The following WDR27 variants were observed in gnomAD, a reference collection of about 807,000 sequenced individuals.
WDR27 encodes the protein WD repeat domain 27.
Under a neutral mutation model 114.4 loss-of-function variants are expected in WDR27, and 100 were observed. The observed-to-expected ratio is 0.87, with a 90% CI of 0.74 to 1.03. WDR27 has a LOEUF of 1.03. Among genes scored for constraint, WDR27 ranks in the 50% least tolerant of loss-of-function variants. The pLI is 0.00. For synonymous variants in WDR27, 449 were observed against 423.1 expected (o/e 1.06, Z -0.75); for missense variants, 1,129 against 1,092.9 (o/e 1.03, Z -0.47).
intron 22 of WDR27, among the ~76,000 whole-genome samples, chr6:169,605,681 G>C (rs1197456285): frequency 6.7e-6 from 1 of 150,266 alleles, no homozygotes; most frequent in Non-Finnish European, 1.5e-5. Context: ...AACAAAGCTG[G>C]AGGCATCACC....
At chr6:169,492,267 T>C (rs1789868390) in intron 25 of WDR27, among the ~76,000 whole-genome samples, 1 of 151,470 alleles carries the variant, frequency 6.6e-6, no homozygotes, top group Admixed American at 6.6e-5. Flanking sequence ...CAAAACACAT[T>C]TGAAGAAGTA....
Position 169,613,580 on chromosome 6 carries a change from A to AG in WDR27, c.2299dup (p.Leu767ProfsTer10). 6.2e-7 allele frequency: 1 copy of AG among 1,613,866 alleles called. No homozygotes were observed. Among genetic ancestry groups the AG allele is most frequent in the Non-Finnish European group, 8.5e-7 (1 of 1,179,812 alleles). On this transcript the variant is annotated frameshift_variant, in exon 22 of 26. Coordinates refer to ENST00000448612, the MANE Select transcript of WDR27 (RefSeq NM_182552.5). LOFTEE classifies it high-confidence loss of function. ...TTACCTCAGGGTTCTCAGGTCCCAC[A>AG]GTCTCATCCCATCGCCAATGGCCGT...
intron 25 of WDR27, among the ~76,000 whole-genome samples, chr6:169,531,300 C>A (rs1795561089): frequency 1.3e-5 from 2 of 152,094 alleles, no homozygotes; most frequent in South Asian, 4.1e-4. Flanking sequence ...TACTGGAGTT[C>A]ATTCGTGTTG....
At chr6:169,666,522 T>C (rs1827865142) in intron 6 of WDR27, 2 of 985,488 alleles carry the variant, frequency 2.0e-6, no homozygotes, top group South Asian at 4.7e-5. Context: ...TGCCCTAAGA[T>C]GCCAGGAGGA....
intron 25 of WDR27, among the ~76,000 whole-genome samples, chr6:169,533,496 C>T (rs1052773904): frequency 1.3e-5 from 2 of 152,166 alleles, no homozygotes; most frequent in African/African-American, 4.8e-5. Flanking sequence ...GTTGGAATCT[C>T]AGAAGTTCCC....
chr6:169,500,130 A>G (rs1282521763), intron 25 of WDR27, among the ~76,000 whole-genome samples: 1 of 152,214 alleles, frequency 6.6e-6, no homozygotes, highest in Non-Finnish European at 1.5e-5. Context: ...GCCAAAAGCA[A>G]TATCACATCC....
At chr6:169,586,380 TCTC>T (rs1804566598) in intron 23 of WDR27, among the ~76,000 whole-genome samples, 4 of 152,154 alleles carry the variant, frequency 2.6e-5, no homozygotes, top group Non-Finnish European at 4.4e-5. Context: ...TTCATGATGC[TCTC>T]TCTATCAAAG....
In WDR27 at chr6:169,460,700, G is replaced by A. The variant is rs551123555; in HGVS notation, c.2646-3066C>T. ...TATAGTTGCCTCTCAATATACTTGG[G>A]GTATTAGTTCCAGGAACTCCCATAT... On this transcript the variant is annotated intron_variant, in intron 25 of 25. Transcript: ENST00000448612. Among the ~76,000 whole-genome samples the A allele has an allele frequency of 1.1e-4, 17 of 152,184 alleles. No individual in the cohort carries two copies. The South Asian group carries it at 3.3e-3, about 30-fold the overall frequency.
chr6:169,667,046 C>T lies in WDR27; in HGVS notation c.712+90G>A, dbSNP rs1306991208. ...GCCTCATTCAGATCCACTCGAATGTCCCAGCTCCATCTTATGCCCTGTAAT... is the reference window on the plus strand; with the variant it reads ...GCCTCATTCAGATCCACTCGAATGTTCCAGCTCCATCTTATGCCCTGTAAT... On this transcript the variant is annotated intron_variant, in intron 6 of 25. Transcript: ENST00000448612. 4 of 1,377,474 alleles carry T rather than the reference C, an allele frequency of 2.9e-6. No homozygotes were observed. In the African/African-American group the frequency reaches 6.0e-5, roughly 21 times the overall value. 85.3% of individuals were successfully genotyped at this position (1,377,474 alleles called of 1,614,324 possible).
chr6:169,672,265 T>A lies in WDR27; in HGVS notation c.321A>T (p.Lys107Asn). ...IMWNLDECREKVLQGLVPRGT... is the reference protein window; with the variant it reads ...IMWNLDECRENVLQGLVPRGT... ...TAGATTTTCATTTACCTTGAAGTAC[T>A]TTCTCTCTACATTCATCCAGGTTCC... Residue 107 changes from lysine to asparagine, a missense_variant, in exon 3 of 26, where the codon AAA (lysine) becomes AAT (asparagine). Lys to Asn is a moderately conservative substitution (Grantham distance 94). Coordinates refer to ENST00000448612, the MANE Select transcript of WDR27 (RefSeq NM_182552.5). 1 of 1,612,184 alleles carries A rather than the reference T, an allele frequency of 6.2e-7. No homozygotes were observed. The highest frequency in any genetic ancestry group is 8.5e-7 in the Non-Finnish European group (1 of 1,179,352).
At chr6:169,696,683 G>A (rs936264075) in intron 1 of WDR27, among the ~76,000 whole-genome samples, 1 of 152,352 alleles carries the variant, frequency 6.6e-6, no homozygotes, top group East Asian at 1.9e-4. Flanking sequence ...GGGAGGCTGA[G>A]GCGGGTGGAT....
chr6:169,455,108 G>A (rs920325832), downstream of WDR27, among the ~76,000 whole-genome samples: 23 of 152,370 alleles, frequency 1.5e-4, no homozygotes, highest in Admixed American at 1.2e-3. Flanking sequence ...GCTCTGTCCT[G>A]CGTGAGGTGC....
chr6:169,632,543 T>C (rs1029841634), intron 21 of WDR27, among the ~76,000 whole-genome samples: 1 of 152,062 alleles, frequency 6.6e-6, no homozygotes. Flanking sequence ...ACTTTGTCTC[T>C]GTCAAAACAG....
the WDR27 span, among the ~76,000 whole-genome samples, chr6:169,433,121 T>C: frequency 7.2e-5 from 11 of 152,196 alleles, no homozygotes; most frequent in African/African-American, 1.2e-4. Context: ...CTGGGATACA[T>C]GTGTAGAGCA....
chr6:169,683,674 G>A (rs985470171), intron 2 of WDR27, among the ~76,000 whole-genome samples: 2 of 152,226 alleles, frequency 1.3e-5, no homozygotes, highest in East Asian at 1.9e-4. Flanking sequence ...CCTAGCCTCT[G>A]TAGCCCCAAC....
At chr6:169,597,344 T>C (rs1429555576) in intron 23 of WDR27, among the ~76,000 whole-genome samples, 2 of 152,190 alleles carry the variant, frequency 1.3e-5, no homozygotes, top group Non-Finnish European at 1.5e-5. Flanking sequence ...TGTTTTTTTT[T>C]CTTGATTTTT....
intron 25 of WDR27, among the ~76,000 whole-genome samples, chr6:169,531,655 GT>G (rs11342717): frequency 0.86 from 114,600 of 133,038 alleles, 49,910 homozygotes; most frequent in Non-Finnish European, 0.91. Flanking sequence ...TAAACAGTTT[GT>G]TTTTTTTTTT....
In WDR27 at chr6:169,689,074, C is replaced by G. The variant is rs41265389; in HGVS notation, c.-7-62G>C. The G allele has an allele frequency of 2.5e-6, 3 of 1,208,498 alleles. No individual in the cohort carries two copies. In the African/African-American group the frequency reaches 4.7e-5, roughly 19 times the overall value. The allele number at this position is 1,208,498 out of a possible 1,614,324, so 74.9% of individuals were successfully genotyped here. On this transcript the variant is annotated intron_variant, in intron 1 of 25. Coordinates refer to ENST00000448612, the MANE Select transcript of WDR27 (RefSeq NM_182552.5). ...ATCATATTTAATACAGAAAAAAAGTCTATTACCTACTGATAGTTACTAGTT... is the reference window on the plus strand; with the variant it reads ...ATCATATTTAATACAGAAAAAAAGTGTATTACCTACTGATAGTTACTAGTT...
chr6:169,521,198 G>A (rs1222533273), intron 25 of WDR27, among the ~76,000 whole-genome samples: 1 of 152,036 alleles, frequency 6.6e-6, no homozygotes, highest in African/African-American at 2.4e-5. Flanking sequence ...AGACTTCTCA[G>A]TGGAAACTGT....
Sources: allele counts gnomAD v4.1 joint callset (sites outside exome capture counted in the v4.1 genomes callset), GRCh38; gene constraint gnomAD v4.1.1; transcripts MANE v1.5; gene names NCBI Gene and HGNC (gene_info 2026-07-23, HGNC 2026-07-21).